The following TUSC3 variants were observed in gnomAD, a reference collection of about 807,000 sequenced individuals.
The protein encoded by TUSC3 is tumor suppressor candidate 3.
In TUSC3, 45 loss-of-function variants were observed where a neutral mutation model predicts 44.8. That is an observed-to-expected ratio of 1.00 (90% CI 0.79 to 1.29). The LOEUF is 1.29. TUSC3 is among the 50% of genes most tolerant of loss of function. The pLI is 0.00. For missense variants in TUSC3, 519 were observed against 437.9 expected (o/e 1.19, Z -1.65); for synonymous variants, 212 against 152.9 (o/e 1.39, Z -2.85).
chr8:15,582,209 G>C (rs1246614230), intron 1 of TUSC3, among the ~76,000 whole-genome samples: 1 of 152,170 alleles, frequency 6.6e-6, no homozygotes, highest in African/African-American at 2.4e-5. Flanking sequence ...CCCACTGTCT[G>C]GCACTCCCTA....
At chr8:15,734,042 C>A (rs750651267) in intron 7 of TUSC3, among the ~76,000 whole-genome samples, 1 of 152,080 alleles carries the variant, frequency 6.6e-6, no homozygotes, top group African/African-American at 2.4e-5. Flanking sequence ...GACCCCGTCT[C>A]CAAAAAAGAA....
the TUSC3 span, among the ~76,000 whole-genome samples, chr8:15,780,970 G>A: frequency 6.6e-6 from 1 of 152,148 alleles, no homozygotes; most frequent in East Asian, 1.9e-4. Context: ...CCCCAGTAGG[G>A]AGTTAAAGCA....
chr8:15,520,651 A>T (rs1350697469), intron 2 of TUSC3, among the ~76,000 whole-genome samples: 1 of 152,168 alleles, frequency 6.6e-6, no homozygotes, highest in Non-Finnish European at 1.5e-5. Context: ...GATAGAGGAG[A>T]TTCACAGGTT....
intron 1 of TUSC3, among the ~76,000 whole-genome samples, chr8:15,470,709 C>T (rs1267307342): frequency 1.3e-5 from 2 of 151,770 alleles, no homozygotes; most frequent in Non-Finnish European, 3.0e-5. Flanking sequence ...CCCTTCCTGC[C>T]AAAGCCACTG....
the TUSC3 span, among the ~76,000 whole-genome samples, chr8:15,838,034 G>A: frequency 1.3e-5 from 2 of 151,670 alleles, no homozygotes; most frequent in South Asian, 2.1e-4. Context: ...TTTGCTAGTG[G>A]ATGGAGATAG....
intron 1 of TUSC3, among the ~76,000 whole-genome samples, chr8:15,613,783 A>C (rs1804865576): frequency 6.6e-6 from 1 of 152,092 alleles, no homozygotes; most frequent in Admixed American, 6.6e-5. Flanking sequence ...TTCTCCTTTA[A>C]CTTTAACATT....
chr8:15,513,360 G>C (rs956360622), intron 2 of TUSC3, among the ~76,000 whole-genome samples: 1 of 152,046 alleles, frequency 6.6e-6, no homozygotes, highest in African/African-American at 2.4e-5. Context: ...GGAAGTTGCT[G>C]GTTGGAAGTA....
the TUSC3 span, among the ~76,000 whole-genome samples, chr8:15,802,602 C>A: frequency 6.6e-6 from 1 of 151,826 alleles, no homozygotes; most frequent in Non-Finnish European, 1.5e-5. Flanking sequence ...TTTGTATCCT[C>A]ATTTTTCCTC....
chr8:15,433,437 C>T (rs918518179), intron 1 of TUSC3, among the ~76,000 whole-genome samples: 1 of 152,000 alleles, frequency 6.6e-6, no homozygotes, highest in African/African-American at 2.4e-5. Context: ...TGAGTTTTGA[C>T]AAATGTATGT....
chr8:15,454,458 G>A (rs1563254964), intron 1 of TUSC3, among the ~76,000 whole-genome samples: 1 of 152,120 alleles, frequency 6.6e-6, no homozygotes, highest in Non-Finnish European at 1.5e-5. Flanking sequence ...TAGACCAATA[G>A]GTTATGCACA....
chr8:15,604,843 C>CT (rs1563129395), intron 1 of TUSC3, among the ~76,000 whole-genome samples: 1 of 151,824 alleles, frequency 6.6e-6, no homozygotes, highest in Non-Finnish European at 1.5e-5. Context: ...AATCTCCAAA[C>CT]TTTATCTTAC....
At chr8:15,659,022 G>C (rs893204127) in intron 3 of TUSC3, among the ~76,000 whole-genome samples, 1 of 151,986 alleles carries the variant, frequency 6.6e-6, no homozygotes, top group African/African-American at 2.4e-5. Flanking sequence ...AAAAAGTAAA[G>C]TCTTTACATT....
chr8:15,798,366 T>A, the TUSC3 span, among the ~76,000 whole-genome samples: 1 of 152,118 alleles, frequency 6.6e-6, no homozygotes, highest in Non-Finnish European at 1.5e-5. Context: ...GCCATAAAAG[T>A]TTGAATCCTT....
chr8:15,642,963 T>G (rs1806447945), intron 2 of TUSC3, among the ~76,000 whole-genome samples: 1 of 152,218 alleles, frequency 6.6e-6, no homozygotes, highest in African/African-American at 2.4e-5. Flanking sequence ...ATGTAGTAGG[T>G]AAATGATACG....
chr8:15,733,247 C>T, intron 7 of TUSC3: 3 of 284,174 alleles, frequency 1.1e-5, no homozygotes, highest in Non-Finnish European at 2.0e-5. Flanking sequence ...TAAAGATATT[C>T]AGGAAGCAAA....
intron 1 of TUSC3, among the ~76,000 whole-genome samples, chr8:15,443,797 T>G (rs1800054554): frequency 6.6e-6 from 1 of 152,138 alleles, no homozygotes; most frequent in African/African-American, 2.4e-5. Context: ...CCAGGATTAG[T>G]GCTTAAGATA....
the TUSC3 span, among the ~76,000 whole-genome samples, chr8:15,827,404 G>A: frequency 1.3e-5 from 2 of 152,076 alleles, no homozygotes; most frequent in Non-Finnish European, 2.9e-5. Context: ...AATGTTTTCT[G>A]TATAAGTAAT....
chr8:15,796,398 A>G, the TUSC3 span, among the ~76,000 whole-genome samples: 1 of 152,214 alleles, frequency 6.6e-6, no homozygotes, highest in Non-Finnish European at 1.5e-5. Context: ...GTGGCATGCC[A>G]AACACCTAGG....
intron 2 of TUSC3, among the ~76,000 whole-genome samples, chr8:15,624,883 T>A (rs1182444646): frequency 6.6e-6 from 1 of 152,136 alleles, no homozygotes; most frequent in Non-Finnish European, 1.5e-5. Flanking sequence ...ATCCCAAAGA[T>A]CTTCTCCTGT....
Sources: allele counts gnomAD v4.1 joint callset (sites outside exome capture counted in the v4.1 genomes callset), GRCh38; gene constraint gnomAD v4.1.1; transcripts MANE v1.5; gene names NCBI Gene and HGNC (gene_info 2026-07-23, HGNC 2026-07-21).